The following LIPC variants were observed in gnomAD, a reference collection of about 807,000 sequenced individuals.
LIPC encodes the protein hepatic triacylglycerol lipase.
In LIPC, 44 loss-of-function variants were observed where a neutral mutation model predicts 50.7. The ratio of observed to expected loss-of-function variants is 0.87; its 90% CI spans 0.68 to 1.11. The LOEUF (loss-of-function observed/expected upper bound fraction) is 1.11. LIPC is among the 50% of genes most tolerant of loss of function. The probability of loss-of-function intolerance (pLI) is 0.00; values close to 1 mark genes in which losing one functional copy is unlikely to be tolerated. For missense variants in LIPC, 697 were observed against 648.2 expected (o/e 1.08, Z -0.82); for synonymous variants, 271 against 256.4 (o/e 1.06, Z -0.54).
intron 1 of LIPC, among the ~76,000 whole-genome samples, chr15:58,531,526 T>A (rs1440182119): frequency 6.6e-6 from 1 of 150,682 alleles, no homozygotes; most frequent in South Asian, 2.1e-4. Context: ...AAGGAAAAAA[T>A]TTTTGGCAAG....
chr15:58,525,219 A>T (rs1209921443), intron 1 of LIPC, among the ~76,000 whole-genome samples: 1 of 152,186 alleles, frequency 6.6e-6, no homozygotes, highest in African/African-American at 2.4e-5. Context: ...GCCCAGAACA[A>T]CCTGGCCAAT....
rs558337836 is a variant in LIPC at position 58,519,814 on chromosome 15, G to T, written c.89-18519G>T. Reference sequence around the variant, plus strand: ...CATCCGTTTCTTTACATTTTAAGGTGGAGCATAAGAAGAACTGCAGTGAAA... The same window carrying T: ...CATCCGTTTCTTTACATTTTAAGGTTGAGCATAAGAAGAACTGCAGTGAAA... On this transcript the variant is annotated intron_variant, in intron 1 of 8. Coordinates refer to ENST00000299022, the MANE Select transcript of LIPC (RefSeq NM_000236.3). Among the ~76,000 whole-genome samples the T allele has an allele frequency of 4.6e-5, 7 of 152,318 alleles. No homozygotes were observed. The East Asian group carries it at 1.4e-3, about 29-fold the overall frequency.
At chr15:58,503,314 A>G (rs16940372) in intron 1 of LIPC, among the ~76,000 whole-genome samples, 17,756 of 152,122 alleles carry the variant, frequency 0.12, 1,157 homozygotes, top group Middle Eastern at 0.17. Context: ...CTGTCACTGG[A>G]TTTGCCTGTT....
At chr15:58,511,602 G>C (rs1038187087) in intron 1 of LIPC, among the ~76,000 whole-genome samples, 4 of 152,200 alleles carry the variant, frequency 2.6e-5, no homozygotes, top group Admixed American at 6.5e-5. Flanking sequence ...TGGTTTGCAT[G>C]AGCAAAGCTA....
chr15:58,522,576 C>T (rs1177817637), intron 1 of LIPC: 1 of 153,420 alleles, frequency 6.5e-6, no homozygotes, highest in African/African-American at 2.4e-5. Flanking sequence ...CTGAACAGGC[C>T]CGACTCCACA....
intron 1 of LIPC, chr15:58,435,300 T>C (rs1321843278): frequency 6.6e-6 from 1 of 152,228 alleles, no homozygotes; most frequent in African/African-American, 2.4e-5. Context: ...TGTGATGTAT[T>C]GCTTTGTTTG....
intron 1 of LIPC, among the ~76,000 whole-genome samples, chr15:58,524,074 C>G (rs892654835): frequency 1.3e-5 from 2 of 152,156 alleles, no homozygotes; most frequent in African/African-American, 2.4e-5. Flanking sequence ...CCCTCCTCCC[C>G]CTTTCCCACC....
At chr15:58,451,658 T>G (rs1176548751) in intron 1 of LIPC, among the ~76,000 whole-genome samples, 3 of 152,138 alleles carry the variant, frequency 2.0e-5, no homozygotes, top group Non-Finnish European at 2.9e-5. Flanking sequence ...GGATCAACTT[T>G]ACCCAAACAG....
intron 1 of LIPC, among the ~76,000 whole-genome samples, chr15:58,448,641 G>A (rs1341009401): frequency 1.3e-5 from 2 of 152,220 alleles, no homozygotes; most frequent in African/African-American, 4.8e-5. Flanking sequence ...CATATGCCAG[G>A]CCTGGCTAGG....
intron 1 of LIPC, among the ~76,000 whole-genome samples, chr15:58,453,182 C>G (rs1013193373): frequency 2.0e-5 from 3 of 152,182 alleles, no homozygotes; most frequent in Admixed American, 6.5e-5. Flanking sequence ...TGAGCCTCCT[C>G]TCTTCAGATG....
At chr15:58,513,460 T>C (rs1022849104) in intron 1 of LIPC, among the ~76,000 whole-genome samples, 1 of 152,206 alleles carries the variant, frequency 6.6e-6, no homozygotes, top group Non-Finnish European at 1.5e-5. Flanking sequence ...AGCAAACCGT[T>C]GCTCTGGGCT....
At chr15:58,462,806 C>T (rs559227716) in intron 1 of LIPC, among the ~76,000 whole-genome samples, 1 of 152,294 alleles carries the variant, frequency 6.6e-6, no homozygotes, top group East Asian at 1.9e-4. Flanking sequence ...TGGCTGAGCT[C>T]TGGCCTCTCG....
chr15:58,554,104 A>G (rs1307985411), intron 6 of LIPC, among the ~76,000 whole-genome samples: 3 of 152,246 alleles, frequency 2.0e-5, no homozygotes, highest in African/African-American at 7.2e-5. Context: ...AAAAATAGAA[A>G]GAAATATATT....
intron 6 of LIPC, among the ~76,000 whole-genome samples, chr15:58,551,031 TTCGCCACG>T (rs67514240): frequency 0.16 from 24,673 of 151,448 alleles, 2,212 homozygotes; most frequent in South Asian, 0.31. Context: ...GAGACGGGGT[TTCGCCACG>T]TTGGCCAGGC....
chr15:58,517,710 C>T (rs1892527537), intron 1 of LIPC, among the ~76,000 whole-genome samples: 1 of 152,224 alleles, frequency 6.6e-6, no homozygotes, highest in South Asian at 2.1e-4. Flanking sequence ...CTTGCATTGA[C>T]ATTAGACACA....
At chr15:58,447,194 C>T (rs1456925442) in intron 1 of LIPC, among the ~76,000 whole-genome samples, 2 of 147,116 alleles carry the variant, frequency 1.4e-5, no homozygotes, top group African/African-American at 5.0e-5. Context: ...TAAGTAATTT[C>T]ATCTGACAAA....
chr15:58,450,646 G>A (rs1281932514), intron 1 of LIPC, among the ~76,000 whole-genome samples: 1 of 152,158 alleles, frequency 6.6e-6, no homozygotes. Flanking sequence ...ATGGGTCTGG[G>A]ACCACACAAG....
At chr15:58,495,760 T>C (rs1389492948) in intron 1 of LIPC, among the ~76,000 whole-genome samples, 1 of 152,212 alleles carries the variant, frequency 6.6e-6, no homozygotes, top group Non-Finnish European at 1.5e-5. Flanking sequence ...ATGAAGAATG[T>C]AAATTTCTTA....
At chr15:58,554,240 C>T (rs568366378) in intron 6 of LIPC, among the ~76,000 whole-genome samples, 62 of 152,216 alleles carry the variant, frequency 4.1e-4, no homozygotes, top group South Asian at 2.9e-3. Context: ...GGAGACTCTC[C>T]GGAGGCCTCA....
Sources: gnomAD v4.1 joint callset for allele counts (sites outside exome capture counted in the v4.1 genomes callset) on GRCh38, gnomAD v4.1.1 for gene constraint, MANE v1.5 for transcripts, NCBI Gene and HGNC (gene_info 2026-07-23, HGNC 2026-07-21) for gene names.